Variants in DOCK5 observed in about 807,000 individuals in gnomAD.
The protein encoded by DOCK5 is dedicator of cytokinesis protein 5.
A neutral mutation model predicts 251.8 loss-of-function variants in DOCK5; 142 were observed. The observed-to-expected ratio is 0.56, with a 90% CI of 0.49 to 0.65. The LOEUF is 0.65. DOCK5 is among the 30% of genes least tolerant of loss of function. The probability of loss-of-function intolerance (pLI) is 0.00; values close to 1 mark genes in which losing one functional copy is unlikely to be tolerated. For synonymous variants in DOCK5, 842 were observed against 835.5 expected, an observed-to-expected ratio of 1.01 and a Z score of -0.13; for missense variants, 2,111 against 2,312.3, an observed-to-expected ratio of 0.91 and a Z score of 1.79.
At chr8:25,297,156 G>T (rs928407378) in intron 7 of DOCK5, among the ~76,000 whole-genome samples, 2 of 152,006 alleles carry the variant, frequency 1.3e-5, no homozygotes, top group African/African-American at 4.8e-5. Flanking sequence ...GTGCAGTGGT[G>T]CAGTCTCAGC....
chr8:25,406,475 G>T (rs1801525236), intron 48 of DOCK5, among the ~76,000 whole-genome samples: 1 of 152,090 alleles, frequency 6.6e-6, no homozygotes, highest in Admixed American at 6.5e-5. Flanking sequence ...ACCCTGCCTG[G>T]AAATCAAATA....
At chr8:25,408,500 G>A (rs1351893927) in intron 49 of DOCK5, among the ~76,000 whole-genome samples, 4 of 152,098 alleles carry the variant, frequency 2.6e-5, no homozygotes, top group Non-Finnish European at 2.9e-5. Context: ...TCCATATCAA[G>A]TTGTTAAATG....
intron 5 of DOCK5, among the ~76,000 whole-genome samples, chr8:25,281,328 T>C (rs1019744222): frequency 6.6e-6 from 1 of 151,438 alleles, no homozygotes; most frequent in African/African-American, 2.4e-5. Context: ...CTCGGGAGGC[T>C]GAGGCAGGAG....
intron 16 of DOCK5, among the ~76,000 whole-genome samples, chr8:25,322,701 CAAAG>C (rs1805458877): frequency 6.6e-6 from 1 of 152,160 alleles, no homozygotes; most frequent in South Asian, 2.1e-4. Flanking sequence ...CATTTATACA[CAAAG>C]AAACTAAGGC....
chr8:25,353,318 T>G (rs935802970), intron 27 of DOCK5, among the ~76,000 whole-genome samples: 1 of 152,112 alleles, frequency 6.6e-6, no homozygotes, highest in Non-Finnish European at 1.5e-5. Context: ...TCAGCCTGGG[T>G]GACTGAGTAA....
At chr8:25,343,544 A>T (rs1800296692) in intron 25 of DOCK5, among the ~76,000 whole-genome samples, 1 of 152,194 alleles carries the variant, frequency 6.6e-6, no homozygotes, top group African/African-American at 2.4e-5. Flanking sequence ...TGTCTTTAAA[A>T]CAGGAACCTC....
At chr8:25,292,677 G>A (rs1188181103) in intron 6 of DOCK5, among the ~76,000 whole-genome samples, 1 of 152,142 alleles carries the variant, frequency 6.6e-6, no homozygotes, top group Middle Eastern at 3.2e-3. Context: ...GTTCAAGGCT[G>A]CAGTGAGCCA....
intron 28 of DOCK5, among the ~76,000 whole-genome samples, chr8:25,360,713 A>G (rs73562335): frequency 1.2e-3 from 178 of 152,262 alleles, no homozygotes; most frequent in African/African-American, 4.0e-3. Flanking sequence ...GCCTATGAGG[A>G]CTAGCTGTTT....
chr8:25,389,218 C>T lies in DOCK5; in HGVS notation c.4259C>T (p.Ser1420Leu), dbSNP rs538914889. ...ACGCCTCCTGGGGAAGACATCAAGT[C>T]GTCCCCCAAGCAGTGTATCCTTTCC... ...STTPPGEDIK[S>L]SPKQYMQCFT... is the part of the protein sequence containing the mutation. The change falls in exon 41 of 52, where the codon TCG becomes TTG. Residue 1420 changes from serine to leucine, a missense_variant. This residue lies in a region of DOCK5 where 1,717 missense variants were observed against 1,892.4 expected (regional missense o/e 0.91). Transcript: ENST00000276440. 1.7e-3 allele frequency: 2,692 copies of T among 1,613,938 alleles called. 47 individuals are homozygous for T. The South Asian group carries it at 0.028, about 17-fold the overall frequency.
At chr8:25,213,529 T>G (rs1249232461) in intron 1 of DOCK5, among the ~76,000 whole-genome samples, 7 of 152,150 alleles carry the variant, frequency 4.6e-5, no homozygotes, top group Admixed American at 1.3e-4. Flanking sequence ...TTGTTTGTTT[T>G]TTTGTTTTCC....
At chr8:25,231,753 G>A (rs1235642722) in intron 1 of DOCK5, among the ~76,000 whole-genome samples, 1 of 152,096 alleles carries the variant, frequency 6.6e-6, no homozygotes, top group Admixed American at 6.5e-5. Context: ...AGATATCTTT[G>A]CCTTGTACCT....
intron 21 of DOCK5, among the ~76,000 whole-genome samples, chr8:25,335,048 C>G (rs908451701): frequency 2.6e-5 from 4 of 152,220 alleles, no homozygotes; most frequent in Non-Finnish European, 5.9e-5. Flanking sequence ...GCATTCCTCC[C>G]CAGAGCACTC....
At chr8:25,229,167 A>G (rs1243896420) in intron 1 of DOCK5, among the ~76,000 whole-genome samples, 1 of 152,152 alleles carries the variant, frequency 6.6e-6, no homozygotes, top group Non-Finnish European at 1.5e-5. Flanking sequence ...AGAATGCCAC[A>G]CATACGTTTC....
rs544114794 is a variant in DOCK5 at position 25,298,799 on chromosome 8, C to G, written c.607-145C>G. 3 of 931,102 alleles carry G rather than the reference C, an allele frequency of 3.2e-6. No individual in the cohort carries two copies. The Admixed American group carries it at 9.7e-5, about 30-fold the overall frequency. 57.7% of individuals were successfully genotyped at this position (931,102 alleles called of 1,614,324 possible). On this transcript the variant is annotated intron_variant, in intron 7 of 51. Coordinates refer to ENST00000276440, the MANE Select transcript of DOCK5 (RefSeq NM_024940.8). The stretch of plus-strand genomic sequence containing the variant: ...AGGCTGTTCTCAAATTCCTGGGCCT[C>G]TAGTAGCACTGGGATTACAGGAATG...
chr8:25,363,086 A>C lies in DOCK5; in HGVS notation c.2989A>C (p.Ile997Leu). 1 of 1,614,040 alleles carries C rather than the reference A, an allele frequency of 6.2e-7. No homozygotes were observed. Among genetic ancestry groups the C allele is most frequent in the Non-Finnish European group, 8.5e-7 (1 of 1,179,888 alleles). ...AACTTTTATCATGTTCAAGGACCTGATTGGAAAGAATGTCTATGCCAAAGA... is the reference window on the plus strand; with the variant it reads ...AACTTTTATCATGTTCAAGGACCTGCTTGGAAAGAATGTCTATGCCAAAGA... ...METFIMFKDL[I>L]GKNVYAKDWM... Residue 997 changes from isoleucine to leucine, a missense_variant, in exon 29 of 52, where the codon ATT becomes CTT. By Grantham distance (5) the Ile-to-Leu change is conservative. This residue lies in a region of DOCK5 where 1,717 missense variants were observed against 1,892.4 expected (regional missense o/e 0.91). Transcript: ENST00000276440.
intron 10 of DOCK5, 68 bp downstream of exon 10, chr8:25,302,522 C>G: frequency 2.1e-6 from 3 of 1,417,214 alleles, no homozygotes; most frequent in Non-Finnish European, 2.8e-6. Context: ...GGCGATTTCT[C>G]AAAAAATTAA....
intron 1 of DOCK5, among the ~76,000 whole-genome samples, chr8:25,234,203 G>A (rs193097118): frequency 6.9e-4 from 105 of 152,306 alleles, no homozygotes; most frequent in Admixed American, 2.2e-3. Flanking sequence ...GATAATCGGT[G>A]ACATCCTCAA....
intron 31 of DOCK5, among the ~76,000 whole-genome samples, chr8:25,367,306 C>T (rs1213410058): frequency 3.3e-5 from 5 of 152,180 alleles, no homozygotes; most frequent in Admixed American, 6.5e-5. Context: ...TCATTCATAG[C>T]GCTTCACAAA....
In DOCK5 at chr8:25,299,066, G is replaced by C; in HGVS notation, c.729G>C (p.Met243Ile). 3 of 1,613,818 alleles carry C rather than the reference G, an allele frequency of 1.9e-6. No individual in the cohort carries two copies. The highest frequency in any genetic ancestry group is 2.5e-6 in the Non-Finnish European group (3 of 1,179,828). ...TCGGGGAAGATGCAGAGTTGTTTAT[G>C]GCCCTCTACGACCCAGACCAGTCCA... ...CNIGEDAELF[M>I]ALYDPDQSTF... Residue 243 changes from methionine (M) to isoleucine (I), a missense_variant, in exon 8 of 52, where the codon ATG (methionine) becomes ATC (isoleucine). Physicochemically the swap from Met to Ile is conservative, Grantham distance 10 (BLOSUM62 1). Around this residue, in one of 3 missense-constraint regions of DOCK5, gnomAD observed 335 missense variants for 324.9 expected, o/e 1.03. Coordinates refer to ENST00000276440, the MANE Select transcript of DOCK5 (RefSeq NM_024940.8).
Sources: allele counts gnomAD v4.1 joint callset (sites outside exome capture counted in the v4.1 genomes callset), GRCh38; gene constraint gnomAD v4.1.1; regional missense constraint gnomAD v4.1.1; transcripts MANE v1.5; gene names NCBI Gene and HGNC (gene_info 2026-07-23, HGNC 2026-07-21).